ZFHX4: variants seen among roughly 807,000 people sequenced by gnomAD.
The protein encoded by ZFHX4 is zinc finger homeobox 4.
ZFHX4 carries 56 observed loss-of-function variants against 267.6 expected under a neutral mutation model. The observed-to-expected ratio is 0.21, with a 90% CI of 0.17 to 0.26. ZFHX4 has a LOEUF of 0.26. ZFHX4 is among the 10% of genes least tolerant of loss of function. The pLI is 1.00. For missense variants in ZFHX4, 4,332 were observed against 4,420.0 expected (o/e 0.98, Z 0.56); for synonymous variants, 1,778 against 1,665.6 (o/e 1.07, Z -1.64).
At chr8:76,726,625 C>A (rs1378856529) in intron 3 of ZFHX4, among the ~76,000 whole-genome samples, 1 of 151,918 alleles carries the variant, frequency 6.6e-6, no homozygotes, top group Non-Finnish European at 1.5e-5. Flanking sequence ...TGGATATATT[C>A]TGAGAAAAAG....
chr8:76,753,143 A>G (rs1023518423), intron 3 of ZFHX4, among the ~76,000 whole-genome samples: 1 of 152,198 alleles, frequency 6.6e-6, no homozygotes, highest in South Asian at 2.1e-4. Flanking sequence ...TAAGTCAACA[A>G]CATAGAATAA....
chr8:76,758,162 T>C (rs1809813217), intron 3 of ZFHX4, among the ~76,000 whole-genome samples: 1 of 151,944 alleles, frequency 6.6e-6, no homozygotes, highest in Admixed American at 6.6e-5. Flanking sequence ...AACAAGTAAA[T>C]GATGGCACAA....
In ZFHX4 at chr8:76,704,117, C is replaced by T. The variant is rs1428075733; in HGVS notation, c.29C>T (p.Ser10Leu). The T allele has an allele frequency of 6.2e-7, 1 of 1,612,498 alleles. No individual in the cohort carries two copies. The highest frequency in any genetic ancestry group is 1.7e-5 in the Admixed American group (1 of 59,904). Reference sequence around the variant, plus strand: ...GAAACCTGTGACTCCCCTCCTATCTCAAGGCAGGAAAATGGGCAGAGCACA... The same window carrying T: ...GAAACCTGTGACTCCCCTCCTATCTTAAGGCAGGAAAATGGGCAGAGCACA... METCDSPPI[S>L]RQENGQSTSK... The change falls in exon 2 of 11, where the codon TCA becomes TTA. Residue 10 changes from serine to leucine, a missense_variant. By Grantham distance (145) the Ser-to-Leu change is moderately radical. This residue lies in a region of ZFHX4 where 1,195 missense variants were observed against 1,173.6 expected (regional missense o/e 1.02). Transcript: ENST00000651372.
Position 76,854,094 on chromosome 8 carries a change from G to C in ZFHX4, c.7173G>C (p.Leu2391=). 6.2e-7 allele frequency: 1 copy of C among 1,613,856 alleles called. No individual in the cohort carries two copies. The highest frequency in any genetic ancestry group is 8.5e-7 in the Non-Finnish European group (1 of 1,179,842). The change falls in exon 10 of 11, where the codon CTG becomes CTC. Residue 2391 remains leucine, a synonymous_variant. Coordinates refer to ENST00000651372, the MANE Select transcript of ZFHX4 (RefSeq NM_024721.5). ...CTGGCTCTGGGACCAGCACCCCCCT[G>C]ATTCCATCACCCAAACCAGAACCTG... is the stretch of plus-strand genomic sequence containing the variant. The part of the protein sequence containing the change: ...ASSGSGTSTP[L]IPSPKPEPEK...
At chr8:76,727,717 T>C (rs1185788230) in intron 3 of ZFHX4, among the ~76,000 whole-genome samples, 4 of 152,230 alleles carry the variant, frequency 2.6e-5, no homozygotes, top group Admixed American at 6.5e-5. Context: ...CCTAAGAAGC[T>C]ATTTGGTTCC....
At chr8:76,783,160 T>C (rs923833861) in intron 4 of ZFHX4, among the ~76,000 whole-genome samples, 2 of 152,026 alleles carry the variant, frequency 1.3e-5, no homozygotes, top group Non-Finnish European at 2.9e-5. Flanking sequence ...AGTGTGAATC[T>C]TATAAAGATA....
At position 76,856,261 on chromosome 8, in the gene ZFHX4, G is replaced by A. The variant is rs1345541167; in HGVS notation, c.9340G>A (p.Gly3114Ser). The A allele has an allele frequency of 1.2e-6, 2 of 1,613,846 alleles. No homozygotes were observed. The highest frequency in any genetic ancestry group is 1.7e-6 in the Non-Finnish European group (2 of 1,179,844). Residue 3114 changes from glycine to serine, a missense_variant, in exon 10 of 11, where the codon GGT becomes AGT. Physicochemically the swap from Gly to Ser is moderately conservative, Grantham distance 56. This residue lies in a region of ZFHX4 where 1,648 missense variants were observed against 1,625.0 expected (regional missense o/e 1.01). Coordinates refer to ENST00000651372, the MANE Select transcript of ZFHX4 (RefSeq NM_024721.5). ...LPPVLLPGMN[G>S]PSSLPGFPQN... ...TCCAGTCCTTCTCCCCGGAATGAAC[G>A]GTCCATCCTCCTTGCCGGGATTTCC...
rs1463476338 is a variant in ZFHX4 at position 76,854,710 on chromosome 8, A to G, written c.7789A>G (p.Asn2597Asp). The G allele has an allele frequency of 8.1e-6, 13 of 1,613,636 alleles. No homozygotes were observed. Among genetic ancestry groups the G allele is most frequent in the Non-Finnish European group, 1.1e-5 (13 of 1,179,762 alleles). Residue 2597 changes from asparagine (N) to aspartate (D), a missense_variant, in exon 10 of 11, where the codon AAT (asparagine) becomes GAT (aspartate). This residue lies in a region of ZFHX4 where 1,648 missense variants were observed against 1,625.0 expected (regional missense o/e 1.01). Coordinates refer to ENST00000651372, the MANE Select transcript of ZFHX4 (RefSeq NM_024721.5). ...TAATTGCAGTGAAAAAGAAGGAGGGAATAGCGGTGAAGACCAACACCGAGA... is the reference window on the plus strand; with the variant it reads ...TAATTGCAGTGAAAAAGAAGGAGGGGATAGCGGTGAAGACCAACACCGAGA... ...DNNCSEKEGG[N>D]SGEDQHRDKR...
chr8:76,775,755 G>GT (rs1260934597), intron 3 of ZFHX4, among the ~76,000 whole-genome samples: 1 of 152,078 alleles, frequency 6.6e-6, no homozygotes, highest in African/African-American at 2.4e-5. Context: ...TGTTCCTTTT[G>GT]TTTTTGTGCA....
chr8:76,698,726 T>C (rs1403700803), intron 1 of ZFHX4, among the ~76,000 whole-genome samples: 1 of 152,160 alleles, frequency 6.6e-6, no homozygotes, highest in Non-Finnish European at 1.5e-5. Flanking sequence ...TTGGCTCACA[T>C]ACTCATACTT....
Position 76,707,895 on chromosome 8 carries a change from G to T in ZFHX4, c.2940G>T (p.Gly980=). ...AACTGGTGGCTCACATTAAAGAAGG[G>T]GGCAAAAGCAATGAGTGGAGGTTGA... The part of the protein sequence containing the change: ...KYQLVAHIKE[G]GKSNEWRLKC... Residue 980 remains glycine (G), a synonymous_variant, in exon 3 of 11, where the codon GGG becomes GGT. Coordinates refer to ENST00000651372, the MANE Select transcript of ZFHX4 (RefSeq NM_024721.5). The T allele has an allele frequency of 6.2e-7, 1 of 1,613,942 alleles. No homozygotes were observed. Among genetic ancestry groups the T allele is most frequent in the African/African-American group, 1.3e-5 (1 of 74,996 alleles).
chr8:76,736,283 A>T (rs945808410), intron 3 of ZFHX4, among the ~76,000 whole-genome samples: 1 of 152,036 alleles, frequency 6.6e-6, no homozygotes, highest in Non-Finnish European at 1.5e-5. Context: ...GCCTTGAAAA[A>T]AAACGAGATA....
chr8:76,714,678 A>G (rs1341719033), intron 3 of ZFHX4, among the ~76,000 whole-genome samples: 3 of 152,360 alleles, frequency 2.0e-5, no homozygotes, highest in African/African-American at 7.2e-5. Context: ...TGGTAAATAT[A>G]GAAGCACTTA....
chr8:76,836,060 T>C (rs1812085003), intron 5 of ZFHX4, among the ~76,000 whole-genome samples: 1 of 152,190 alleles, frequency 6.6e-6, no homozygotes, highest in Non-Finnish European at 1.5e-5. Flanking sequence ...TTAGAAATCA[T>C]CAGTTTTATT....
chr8:76,848,619 A>G (rs1812423791), intron 6 of ZFHX4, among the ~76,000 whole-genome samples: 1 of 152,180 alleles, frequency 6.6e-6, no homozygotes, highest in South Asian at 2.1e-4. Flanking sequence ...TTTAGAAAAG[A>G]GATAGGTAAT....
At chr8:76,694,417 C>G (rs1807901378) in intron 1 of ZFHX4, among the ~76,000 whole-genome samples, 1 of 152,124 alleles carries the variant, frequency 6.6e-6, no homozygotes, top group African/African-American at 2.4e-5. Flanking sequence ...AAAATAGGTG[C>G]TACCCTGTGA....
intron 3 of ZFHX4, among the ~76,000 whole-genome samples, chr8:76,762,478 A>T (rs1489569782): frequency 6.6e-6 from 1 of 152,184 alleles, no homozygotes; most frequent in Non-Finnish European, 1.5e-5. Flanking sequence ...GTTTTCTGCA[A>T]TATTTAAAAA....
At chr8:76,722,641 A>AATAT in intron 3 of ZFHX4, among the ~76,000 whole-genome samples, 1 of 150,984 alleles carries the variant, frequency 6.6e-6, no homozygotes, top group East Asian at 2.0e-4. Flanking sequence ...TACCTTAGTT[A>AATAT]ATATATTAGT....
At chr8:76,729,829 G>T (rs896279228) in intron 3 of ZFHX4, among the ~76,000 whole-genome samples, 1 of 152,190 alleles carries the variant, frequency 6.6e-6, no homozygotes, top group African/African-American at 2.4e-5. Flanking sequence ...CAGCCAGCCT[G>T]TATGGGTTTA....
Sources: gnomAD v4.1 joint callset for allele counts (sites outside exome capture counted in the v4.1 genomes callset) on GRCh38, gnomAD v4.1.1 for gene constraint, gnomAD v4.1.1 regional missense constraint, MANE v1.5 for transcripts, NCBI Gene and HGNC (gene_info 2026-07-23, HGNC 2026-07-21) for gene names.